The following NOMO2 variants were observed in gnomAD, a reference collection of about 807,000 sequenced individuals.
NOMO2 encodes BOS complex subunit NOMO2.
A neutral mutation model predicts 67.1 loss-of-function variants in NOMO2; 14 were observed. That is an observed-to-expected ratio of 0.21 (90% CI 0.14 to 0.33). NOMO2 has a LOEUF of 0.33. Ranked by LOEUF, NOMO2 falls within the 10% of genes least tolerant of loss-of-function variation. NOMO2 has a pLI of 1.00. For synonymous variants in NOMO2, 80 were observed against 305.9 expected, an observed-to-expected ratio of 0.26 and a Z score of 7.71; for missense variants, 178 against 761.0, an observed-to-expected ratio of 0.23 and a Z score of 9.01.
chr16:18,539,858 T>C (rs2561958), intron 9 of NOMO2, among the ~76,000 whole-genome samples: 1,414 of 151,944 alleles, frequency 9.3e-3, no homozygotes, highest in African/African-American at 0.032. Flanking sequence ...GTGCCCCACT[T>C]GCCTGTGAGC....
chr16:18,558,685 C>T, intron 1 of NOMO2: 1 of 323,552 alleles, frequency 3.1e-6, no homozygotes, highest in Non-Finnish European at 6.4e-6. Flanking sequence ...ACATTCTGAG[C>T]ATTACCAGAC....
intron 9 of NOMO2, among the ~76,000 whole-genome samples, chr16:18,540,046 C>CT (rs1901514011): frequency 6.6e-6 from 1 of 151,636 alleles, no homozygotes; most frequent in Non-Finnish European, 1.5e-5. Flanking sequence ...GAGACAGGGA[C>CT]TTTTTCTGTC....
chr16:18,536,484 A>C, intron 11 of NOMO2, among the ~76,000 whole-genome samples: 1 of 151,514 alleles, frequency 6.6e-6, no homozygotes, highest in East Asian at 1.9e-4. Flanking sequence ...TTATCTCTTT[A>C]TTTATTTTTA....
At chr16:18,535,392 TA>T (rs75425923) in intron 11 of NOMO2, among the ~76,000 whole-genome samples, 83,553 of 149,274 alleles carry the variant, frequency 0.56, 23,361 homozygotes, top group Non-Finnish European at 0.67. Flanking sequence ...CGTCGGCCAA[TA>T]AAAAAAAGAG....
chr16:18,539,481 G>T (rs1470683245), intron 9 of NOMO2, among the ~76,000 whole-genome samples: 32 of 151,490 alleles, frequency 2.1e-4, no homozygotes, highest in Admixed American at 2.1e-3. Flanking sequence ...CCTAGGCCAG[G>T]CGCAGTGGTT....
At chr16:18,539,688 C>T (rs1195726123) in intron 9 of NOMO2, among the ~76,000 whole-genome samples, 3 of 151,610 alleles carry the variant, frequency 2.0e-5, no homozygotes, top group African/African-American at 7.3e-5. Context: ...ACTCGGGATG[C>T]GGAGGTTGCA....
At chr16:18,549,042 C>CCTTCCAGGCTCAAGCAAT (rs1901716505) in intron 5 of NOMO2, among the ~76,000 whole-genome samples, 2 of 139,408 alleles carry the variant, frequency 1.4e-5, no homozygotes, top group Admixed American at 7.5e-5. Context: ...GCAGCCTCAA[C>CCTTCCAGGCTCAAGCAAT]CTTCCAGGCT....
chr16:18,541,921 T>C (rs1316469617), intron 9 of NOMO2, among the ~76,000 whole-genome samples: 1 of 102,888 alleles, frequency 9.7e-6, no homozygotes, highest in East Asian at 2.6e-4. Flanking sequence ...ATATCCCCAG[T>C]CCTGGAATGG....
rs1045494446 is a variant in NOMO2 at position 18,545,300 on chromosome 16, G to GT, written c.583-1532dup. Among the ~76,000 whole-genome samples the GT allele has an allele frequency of 2.7e-5, 4 of 149,662 alleles. 1 individual carries two copies. The highest frequency in any genetic ancestry group is 9.8e-5 in the African/African-American group (4 of 40,880). The stretch of plus-strand genomic sequence containing the variant: ...TTTAGTAGAGATGCGGTTTCACCAT[G>GT]TTGGCCAGGTTGGTCTCGAACTCCT... On this transcript the variant is annotated intron_variant, in intron 6 of 30. Transcript: ENST00000622306.
At chr16:18,536,143 GC>G (rs1567241227) in intron 11 of NOMO2, among the ~76,000 whole-genome samples, 1 of 152,044 alleles carries the variant, frequency 6.6e-6, no homozygotes, top group Non-Finnish European at 1.5e-5. Context: ...AGGGAGCAAA[GC>G]CCAATCCCAA....
intron 15 of NOMO2, among the ~76,000 whole-genome samples, chr16:18,528,982 AAAAAAAATACAT>A (rs1567238736): frequency 2.0e-5 from 2 of 99,652 alleles, no homozygotes; most frequent in African/African-American, 7.2e-5. Context: ...AAAAAAAAAA[AAAAAAAATACAT>A]ATATATATAT....
intron 1 of NOMO2, chr16:18,558,887 T>G: frequency 2.2e-6 from 1 of 455,112 alleles, no homozygotes; most frequent in Non-Finnish European, 4.4e-6. Context: ...AAAATCAGTT[T>G]GCGGCCAGGC....
intron 3 of NOMO2, among the ~76,000 whole-genome samples, chr16:18,552,469 GCACACACACACA>G (rs201636709): frequency 2.0e-5 from 2 of 97,638 alleles, no homozygotes; most frequent in African/African-American, 7.2e-5. Context: ...ACGCGTACAT[GCACACACACACA>G]CACACACACA....
rs1359709162 is a variant in NOMO2, at chr16:18,535,958, C to A, written c.1220+2568G>T. On this transcript the variant is annotated intron_variant, in intron 11 of 30. Transcript: ENST00000622306. ...ATTACAGGAACGCATCACCATGCCC[C>A]GCCAACCTTTTGTATCTTTAGTACA... Among the ~76,000 whole-genome samples the A allele has an allele frequency of 2.0e-5, 3 of 152,018 alleles. No homozygotes were observed. In the East Asian group the frequency reaches 5.8e-4, roughly 29 times the overall value.
intron 16 of NOMO2, among the ~76,000 whole-genome samples, chr16:18,526,847 C>T (rs1268482079): frequency 1.3e-5 from 2 of 151,994 alleles, no homozygotes; most frequent in African/African-American, 4.8e-5. Flanking sequence ...AAATTTACTA[C>T]AAATCATTTT....
Position 18,525,816 on chromosome 16 carries a change from C to T in NOMO2, c.1895-1264G>A, listed in dbSNP as rs927378481. ...GCAAGGAAATGTTTGCCTGCCCTCT[C>T]CTTGACTTTCTCCTTTAAACATAAG... On this transcript the variant is annotated intron_variant, in intron 16 of 30. Coordinates refer to ENST00000622306, the MANE Select transcript of NOMO2 (RefSeq NM_173614.4). Among the ~76,000 whole-genome samples, 36 of 151,608 alleles carry T rather than the reference C, an allele frequency of 2.4e-4. 1 individual carries two copies. The highest frequency in any genetic ancestry group is 2.0e-4 in the Admixed American group (3 of 15,224).
At position 18,561,950 on chromosome 16, in the gene NOMO2, C is replaced by G. The variant is rs760967826; in HGVS notation, c.91G>C (p.Gly31Arg). Reference sequence around the variant, plus strand: ...CAGCCCACCACGATGTCCTCCGAGCCGTGCGCCGGCCCCACGCCGCTCAGC... The same window carrying G: ...CAGCCCACCACGATGTCCTCCGAGCGGTGCGCCGGCCCCACGCCGCTCAGC... ...LLLSGVGPAH[G>R]SEDIVVGCGG... Residue 31 changes from glycine (G) to arginine (R), a missense_variant, in exon 1 of 31, where the codon GGC becomes CGC. Physicochemically the swap from Gly to Arg is moderately radical, Grantham distance 125. Transcript: ENST00000622306. 6.7e-5 allele frequency: 105 copies of G among 1,573,074 alleles called. 1 individual carries two copies. In the Admixed American group the frequency reaches 1.2e-3, roughly 18 times the overall value.
At chr16:18,524,196 CAG>C (rs1202241369) in intron 17 of NOMO2, among the ~76,000 whole-genome samples, 1 of 81,402 alleles carries the variant, frequency 1.2e-5, no homozygotes, top group African/African-American at 4.2e-5. Flanking sequence ...TTGAACTTGA[CAG>C]ATGCCCATCG....
intron 16 of NOMO2, among the ~76,000 whole-genome samples, chr16:18,525,298 T>C (rs905764267): frequency 2.7e-5 from 4 of 149,858 alleles, no homozygotes; most frequent in African/African-American, 9.8e-5. Flanking sequence ...AGAGCACCTC[T>C]TCCTGGCCAG....
Sources: gnomAD v4.1 joint callset for allele counts (sites outside exome capture counted in the v4.1 genomes callset) on GRCh38, gnomAD v4.1.1 for gene constraint, MANE v1.5 for transcripts, NCBI Gene and HGNC (gene_info 2026-07-23, HGNC 2026-07-21) for gene names.